The following CPA6 variants were observed in gnomAD, a reference collection of about 807,000 sequenced individuals.
CPA6 encodes carboxypeptidase B.
A neutral mutation model predicts 63.3 loss-of-function variants in CPA6; 58 were observed. The ratio of observed to expected loss-of-function variants is 0.92; its 90% confidence interval spans 0.74 to 1.14. The LOEUF is 1.14. Among genes scored for constraint, CPA6 ranks in the 50% most tolerant of loss-of-function variants. CPA6 has a pLI of 0.00. For synonymous variants in CPA6, 185 were observed against 179.0 expected, an observed-to-expected ratio of 1.03 and a Z score of -0.27; for missense variants, 565 against 526.6, an observed-to-expected ratio of 1.07 and a Z score of -0.71.
chr8:67,502,916 G>A (rs1220046137), intron 6 of CPA6, among the ~76,000 whole-genome samples: 4 of 152,182 alleles, frequency 2.6e-5, no homozygotes, highest in East Asian at 1.9e-4. Context: ...TTTAGAATAT[G>A]TTCTATAGGC....
intron 2 of CPA6, among the ~76,000 whole-genome samples, chr8:67,521,135 C>A (rs188090581): frequency 6.6e-6 from 1 of 152,248 alleles, no homozygotes; most frequent in East Asian, 1.9e-4. Flanking sequence ...TGTTTGCCAA[C>A]CATTCCAGGT....
intron 8 of CPA6, among the ~76,000 whole-genome samples, chr8:67,474,604 A>G (rs1811133491): frequency 6.6e-6 from 1 of 152,146 alleles, no homozygotes; most frequent in African/African-American, 2.4e-5. Flanking sequence ...TATGCCCATA[A>G]TGCACACTAC....
intron 8 of CPA6, among the ~76,000 whole-genome samples, chr8:67,477,864 A>G (rs1422378926): frequency 6.6e-6 from 1 of 152,224 alleles, no homozygotes; most frequent in Non-Finnish European, 1.5e-5. Flanking sequence ...CAGACTCAGC[A>G]CTTCATCACA....
At chr8:67,470,561 T>G (rs551876953) in intron 8 of CPA6, among the ~76,000 whole-genome samples, 23 of 152,306 alleles carry the variant, frequency 1.5e-4, no homozygotes, top group African/African-American at 2.9e-4. Context: ...CTTTTTAAAT[T>G]TCTTTAACCT....
intron 2 of CPA6, among the ~76,000 whole-genome samples, chr8:67,529,859 C>A (rs538395221): frequency 6.6e-6 from 1 of 152,264 alleles, no homozygotes; most frequent in East Asian, 1.9e-4. Context: ...GTATGCCAGT[C>A]TTCCTATCAG....
intron 6 of CPA6, among the ~76,000 whole-genome samples, chr8:67,503,716 G>T (rs1302978461): frequency 2.0e-5 from 3 of 151,898 alleles, no homozygotes; most frequent in East Asian, 1.9e-4. Context: ...CAAACATTCT[G>T]TTAAGTCTTT....
At chr8:67,554,932 C>A (rs1211241530) in intron 2 of CPA6, among the ~76,000 whole-genome samples, 1 of 152,220 alleles carries the variant, frequency 6.6e-6, no homozygotes, top group African/African-American at 2.4e-5. Flanking sequence ...AACACCCCCA[C>A]AGTCACACCT....
chr8:67,647,703 T>C (rs896842067), intron 1 of CPA6, among the ~76,000 whole-genome samples: 1 of 152,188 alleles, frequency 6.6e-6, no homozygotes, highest in Non-Finnish European at 1.5e-5. Flanking sequence ...AACAATTACC[T>C]GTGGTTCTTT....
intron 8 of CPA6, among the ~76,000 whole-genome samples, chr8:67,434,864 C>T (rs972513130): frequency 1.3e-5 from 2 of 152,228 alleles, no homozygotes; most frequent in African/African-American, 4.8e-5. Flanking sequence ...GCTAAATCCA[C>T]CCTTACCCCT....
At chr8:67,657,416 C>G (rs1055689654) in intron 1 of CPA6, among the ~76,000 whole-genome samples, 1 of 152,186 alleles carries the variant, frequency 6.6e-6, no homozygotes, top group Admixed American at 6.5e-5. Context: ...CAACAAATAT[C>G]TGTGTTATAA....
At chr8:67,728,523 C>T (rs1159766630) in intron 1 of CPA6, among the ~76,000 whole-genome samples, 1 of 152,136 alleles carries the variant, frequency 6.6e-6, no homozygotes, top group African/African-American at 2.4e-5. Flanking sequence ...TAGGTAGCAT[C>T]CCAAGTTTTG....
chr8:67,446,918 CAT>C (rs1488420996), intron 8 of CPA6, among the ~76,000 whole-genome samples: 1 of 151,978 alleles, frequency 6.6e-6, no homozygotes, highest in East Asian at 1.9e-4. Context: ...AACAAATACA[CAT>C]AGTTTACAAG....
chr8:67,710,305 T>C (rs1318962466), intron 1 of CPA6, among the ~76,000 whole-genome samples: 1 of 151,612 alleles, frequency 6.6e-6, no homozygotes, highest in Non-Finnish European at 1.5e-5. Flanking sequence ...CTTACCAGAG[T>C]ATAAAAGGTG....
intron 1 of CPA6, among the ~76,000 whole-genome samples, chr8:67,636,842 G>A (rs1815479225): frequency 6.6e-6 from 1 of 151,508 alleles, no homozygotes; most frequent in Admixed American, 6.6e-5. Flanking sequence ...ATTATAAAGT[G>A]CTTGGGTCTC....
chr8:67,475,457 G>A (rs1672411691), intron 8 of CPA6, among the ~76,000 whole-genome samples: 1 of 152,232 alleles, frequency 6.6e-6, no homozygotes, highest in African/African-American at 2.4e-5. Context: ...TAAATACACG[G>A]CACAGTTCTC....
intron 2 of CPA6, among the ~76,000 whole-genome samples, chr8:67,596,291 T>C (rs572229345): frequency 6.6e-6 from 1 of 152,328 alleles, no homozygotes; most frequent in South Asian, 2.1e-4. Context: ...ACTGGGCATA[T>C]ATGCTTAAAA....
intron 2 of CPA6, among the ~76,000 whole-genome samples, chr8:67,588,736 T>A (rs774179830): frequency 1.3e-5 from 2 of 152,134 alleles, no homozygotes; most frequent in Non-Finnish European, 2.9e-5. Context: ...CTTTGCTGAG[T>A]CAGAATGTGG....
At chr8:67,602,427 C>T (rs1237509527) in intron 2 of CPA6, among the ~76,000 whole-genome samples, 1 of 152,096 alleles carries the variant, frequency 6.6e-6, no homozygotes, top group African/African-American at 2.4e-5. Context: ...GTTACCTATT[C>T]AAAAATAAAT....
rs144802180 is a variant in CPA6 at position 67,664,521 on chromosome 8, C to T, written c.117-40270G>A. 8.3e-4 allele frequency among the ~76,000 whole-genome samples: 126 copies of T among 152,336 alleles called. 1 individual carries two copies. The highest frequency in any genetic ancestry group is 1.5e-3 in the Non-Finnish European group (101 of 68,038). On this transcript the variant is annotated intron_variant, in intron 1 of 10. Transcript: ENST00000297770. ...TAGCCCACTGTGCACCTGCTGCCTT[C>T]TCCCACACCTGGCTCATGAATAACC... is the stretch of plus-strand genomic sequence containing the variant.
Sources: gnomAD v4.1 joint callset for allele counts (sites outside exome capture counted in the v4.1 genomes callset) on GRCh38, gnomAD v4.1.1 for gene constraint, MANE v1.5 for transcripts, NCBI Gene and HGNC (gene_info 2026-07-23, HGNC 2026-07-21) for gene names.